Variants in LAMA4 observed in about 807,000 individuals in gnomAD.
LAMA4 encodes laminin subunit alpha 4.
In LAMA4, 127 loss-of-function variants were observed where a neutral mutation model predicts 207.1. The observed-to-expected ratio is 0.61, with a 90% CI of 0.53 to 0.71. The LOEUF is 0.71. Among genes scored for constraint, LAMA4 ranks in the 30% least tolerant of loss-of-function variants. The pLI, the probability that LAMA4 is intolerant of heterozygous loss-of-function variation, is 0.00. For synonymous variants in LAMA4, 761 were observed against 816.0 expected (o/e 0.93, Z 1.15); for missense variants, 2,093 against 2,246.5 (o/e 0.93, Z 1.38).
chr6:112,123,578 T>C (rs1778503130), intron 31 of LAMA4, among the ~76,000 whole-genome samples: 1 of 152,122 alleles, frequency 6.6e-6, no homozygotes, highest in African/African-American at 2.4e-5. Context: ...AAAAATAGTG[T>C]TTTAGCTAAA....
intron 7 of LAMA4, among the ~76,000 whole-genome samples, chr6:112,188,488 C>A (rs1478626120): frequency 6.6e-6 from 1 of 152,194 alleles, no homozygotes; most frequent in Non-Finnish European, 1.5e-5. Flanking sequence ...ATCTCGTCTG[C>A]TCCGAGGGAC....
intron 2 of LAMA4, chr6:112,216,859 T>C: frequency 3.5e-6 from 1 of 282,844 alleles, no homozygotes; most frequent in East Asian, 9.6e-5. Context: ...GGTGAGGTCA[T>C]GCTCCCTATA....
At chr6:112,241,494 T>C (rs1436285666) in intron 2 of LAMA4, among the ~76,000 whole-genome samples, 1 of 152,026 alleles carries the variant, frequency 6.6e-6, no homozygotes, top group Non-Finnish European at 1.5e-5. Flanking sequence ...TAGAGGGTCA[T>C]TATAATGTGA....
At chr6:112,175,776 T>C (rs1006364249) in intron 10 of LAMA4, among the ~76,000 whole-genome samples, 1 of 152,248 alleles carries the variant, frequency 6.6e-6, no homozygotes, top group Admixed American at 6.5e-5. Context: ...CCTCATCTGG[T>C]TTCCACAGTG....
chr6:112,142,390 C>CT lies in LAMA4; in HGVS notation c.2494-99dup. 4 of 1,048,780 alleles carry CT rather than the reference C, an allele frequency of 3.8e-6. No homozygotes were observed. The South Asian group carries it at 5.0e-5, about 13-fold the overall frequency. The allele number at this position is 1,048,780 out of a possible 1,614,324, so 65.0% of individuals were successfully genotyped here. A position where few individuals can be genotyped will look rare whatever the true frequency, so the allele number is the denominator to read the frequency against. ...TTCGTGACAGGGGCCTATAAACTCT[C>CT]TTCACCTCCATACCTGTAGTTATTT... On this transcript the variant is annotated intron_variant, in intron 19 of 38. Transcript: ENST00000230538.
intron 2 of LAMA4, 57 bp from the exon 3 acceptor site, chr6:112,216,526 T>G: frequency 8.5e-7 from 1 of 1,183,146 alleles, no homozygotes; most frequent in Non-Finnish European, 1.3e-6. Context: ...TTGGTCAATA[T>G]TTTCTGAGAA....
In LAMA4 at chr6:112,139,791, A is replaced by T; in HGVS notation, c.3071T>A (p.Ile1024Asn). The T allele has an allele frequency of 6.2e-7, 1 of 1,614,098 alleles. No individual in the cohort carries two copies. The highest frequency in any genetic ancestry group is 8.5e-7 in the Non-Finnish European group (1 of 1,179,948). Residue 1024 changes from isoleucine to asparagine, a missense_variant, in exon 23 of 39, where the codon ATC (isoleucine) becomes AAC (asparagine). Physicochemically the swap from Ile to Asn is moderately radical, Grantham distance 149. Transcript: ENST00000230538. ...TGATGTGGAGGGGTCCATATTATAG[A>T]TGTGCTTAAAGTTGTACAAGCTGAT... ...DVISLYNFKH[I>N]YNMDPSTSVP... is the part of the protein sequence containing the mutation.
intron 4 of LAMA4, among the ~76,000 whole-genome samples, chr6:112,206,001 C>T (rs1554354056): frequency 6.6e-6 from 1 of 151,878 alleles, no homozygotes; most frequent in Non-Finnish European, 1.5e-5. Flanking sequence ...TCTGCACGCA[C>T]TCCTTCTTCA....
In LAMA4 at chr6:112,190,924, TTTCTTTCTTTCTTTCTTTCTTTCCTTTC is replaced by T. The variant is rs1562714258; in HGVS notation, c.718+684_718+711del. 4.8e-4 allele frequency among the ~76,000 whole-genome samples: 50 copies of T among 104,356 alleles called. No individual in the cohort carries two copies. In the South Asian group the frequency reaches 5.6e-3, roughly 12 times the overall value. The allele number at this position is 104,356 out of a possible 152,430, so 68.5% of individuals were successfully genotyped here. A position where few individuals can be genotyped will look rare whatever the true frequency, so the allele number is the denominator to read the frequency against. Reference sequence around the variant, plus strand: ...CTTTCTTTCTTTCTTTCTTTCTTTCTTTCTTTCTTTCTTTCTTTCTTTCCTTTCTTTCTTTCTTTCTTTCTTTCTTTCT... The same window carrying T: ...CTTTCTTTCTTTCTTTCTTTCTTTCTTTTCTTTCTTTCTTTCTTTCTTTCT... On this transcript the variant is annotated intron_variant, in intron 6 of 38. Transcript: ENST00000230538.
At chr6:112,192,912 A>G (rs1783200757) in intron 5 of LAMA4, among the ~76,000 whole-genome samples, 1 of 152,228 alleles carries the variant, frequency 6.6e-6, no homozygotes, top group Non-Finnish European at 1.5e-5. Context: ...CTATGTTGCC[A>G]TATTTTATTT....
chr6:112,198,275 C>A (rs1429318699), intron 5 of LAMA4, among the ~76,000 whole-genome samples: 2 of 152,146 alleles, frequency 1.3e-5, no homozygotes, highest in Non-Finnish European at 2.9e-5. Flanking sequence ...ATTTTAAAAC[C>A]ACCACTTGAC....
Position 112,129,942 on chromosome 6 carries a change from C to G in LAMA4, c.4067G>C (p.Gly1356Ala), listed in dbSNP as rs1778928279. 6.2e-7 allele frequency: 1 copy of G among 1,613,028 alleles called. No homozygotes were observed. The highest frequency in any genetic ancestry group is 1.3e-5 in the African/African-American group (1 of 74,998). Residue 1356 changes from glycine to alanine, a missense_variant, in exon 30 of 39, where the codon GGT (glycine) becomes GCT (alanine). By Grantham distance (60) the Gly-to-Ala change is moderately conservative. Coordinates refer to ENST00000230538, the MANE Select transcript of LAMA4 (RefSeq NM_001105206.3). ...TQASEKKFYF[G>A]GSPISAQYAN... is the part of the protein sequence containing the mutation. The stretch of plus-strand genomic sequence containing the variant: ...ATACTGAGCACTGATTGGTGAGCCA[C>G]CGAAGTAAAACTTCTTTTCACTTGC...
intron 4 of LAMA4, among the ~76,000 whole-genome samples, chr6:112,205,875 A>G (rs952812030): frequency 2.0e-5 from 3 of 152,130 alleles, no homozygotes; most frequent in African/African-American, 7.2e-5. Flanking sequence ...TTGACCAATC[A>G]TACCTACAAC....
In LAMA4 at chr6:112,130,300, T is replaced by TGTGTGTGTGTGTGTGTG. The variant is rs59700559; in HGVS notation, c.3969-261_3969-260insCACACACACACACACAC. 46 of 382,232 alleles carry TGTGTGTGTGTGTGTGTG rather than the reference T, an allele frequency of 1.2e-4. 1 individual carries two copies. Among genetic ancestry groups the TGTGTGTGTGTGTGTGTG allele is most frequent in the African/African-American group, 9.2e-4 (43 of 46,790 alleles). The allele number at this position is 382,232 out of a possible 1,614,324, so 23.7% of individuals were successfully genotyped here. A position where few individuals can be genotyped will look rare whatever the true frequency, so the allele number is the denominator to read the frequency against. On this transcript the variant is annotated intron_variant, in intron 29 of 38. Transcript: ENST00000230538. ...AGATGACTAGTCATCAGCATTATTTTTGTGTGTGTGTGTGTGTGTGTGTGT... is the reference window on the plus strand; with the variant it reads ...AGATGACTAGTCATCAGCATTATTTTGTGTGTGTGTGTGTGTGTGTGTGTGTGTGTGTGTGTGTGTGT...
At position 112,254,146 on chromosome 6, in the gene LAMA4, G is replaced by A; in HGVS notation, c.5C>T (p.Ala2Val). 6.2e-7 allele frequency: 1 copy of A among 1,612,868 alleles called. No individual in the cohort carries two copies. Among genetic ancestry groups the A allele is most frequent in the Non-Finnish European group, 8.5e-7 (1 of 1,179,976 alleles). M[A>V]LSSAWRSVLP... ...AACCGAGCGCCAGGCTGAGCTCAAA[G>A]CCATTTCTCCGCTGACATCCAGTAG... is the stretch of plus-strand genomic sequence containing the variant. The change falls in exon 2 of 39, where the codon GCT becomes GTT. Residue 2 changes from alanine (A) to valine (V), a missense_variant. By Grantham distance (64) the Ala-to-Val change is moderately conservative. Around this residue, in one of 3 missense-constraint regions of LAMA4, gnomAD observed 1,704 missense variants for 1,788.4 expected, o/e 0.95. Coordinates refer to ENST00000230538, the MANE Select transcript of LAMA4 (RefSeq NM_001105206.3).
chr6:112,141,223 A>G (rs1348007599), intron 21 of LAMA4, 135 bp downstream of exon 21: 3 of 934,018 alleles, frequency 3.2e-6, no homozygotes, highest in East Asian at 4.8e-5. Flanking sequence ...GAGCAAGAAT[A>G]AAGGGAGGAA....
intron 2 of LAMA4, among the ~76,000 whole-genome samples, chr6:112,248,815 A>T (rs1348703213): frequency 2.6e-5 from 4 of 152,184 alleles, no homozygotes; most frequent in Non-Finnish European, 4.4e-5. Flanking sequence ...TTGAAAAAAA[A>T]AGTGCTCTAT....
intron 10 of LAMA4, among the ~76,000 whole-genome samples, chr6:112,176,208 G>A (rs969069245): frequency 6.6e-6 from 1 of 152,190 alleles, no homozygotes; most frequent in African/African-American, 2.4e-5. Flanking sequence ...GGACCACTGA[G>A]GCTCAAAGGG....
At chr6:112,175,952 G>A (rs140292339) in intron 10 of LAMA4, among the ~76,000 whole-genome samples, 3 of 152,338 alleles carry the variant, frequency 2.0e-5, no homozygotes, top group Admixed American at 2.0e-4. Context: ...GTTATTAATT[G>A]TATTTTAGAC....
Sources: allele counts gnomAD v4.1 joint callset (sites outside exome capture counted in the v4.1 genomes callset), GRCh38; gene constraint gnomAD v4.1.1; regional missense constraint gnomAD v4.1.1; transcripts MANE v1.5; gene names NCBI Gene and HGNC (gene_info 2026-07-23, HGNC 2026-07-21).